The following ASTN2 variants were observed in gnomAD, a reference collection of about 807,000 sequenced individuals.
ASTN2 encodes astrotactin 2, also known as astrotactin-2.
A neutral mutation model predicts 139.8 loss-of-function variants in ASTN2; 54 were observed. The ratio of observed to expected loss-of-function variants is 0.39; its 90% CI spans 0.31 to 0.48. The LOEUF is 0.48. ASTN2 is among the 20% of genes least tolerant of loss of function. The pLI is 0.95. For missense variants in ASTN2, 1,565 were observed against 1,725.1 expected, an observed-to-expected ratio of 0.91 and a Z score of 1.64; for synonymous variants, 756 against 719.5, an observed-to-expected ratio of 1.05 and a Z score of -0.81.
chr9:117,325,552 C>G lies in ASTN2; in HGVS notation c.443-34039G>C, dbSNP rs137929275. Among the ~76,000 whole-genome samples the G allele has an allele frequency of 4.9e-3, 740 of 152,276 alleles. 6 individuals carry two copies. The highest frequency in any genetic ancestry group is 0.017 in the African/African-American group (700 of 41,554). The stretch of plus-strand genomic sequence containing the variant: ...TCCTTTTCCCCTCTTCCCTTTCCAG[C>G]AGACTCCTAAATGATGAAGAGTGTC... On this transcript the variant is annotated intron_variant, in intron 1 of 22. Transcript: ENST00000313400.
intron 4 of ASTN2, among the ~76,000 whole-genome samples, chr9:117,133,402 C>T (rs1829869598): frequency 6.6e-6 from 1 of 152,176 alleles, no homozygotes; most frequent in Non-Finnish European, 1.5e-5. Flanking sequence ...GATGTGAATC[C>T]ACATCTGTCT....
At chr9:117,364,208 T>C (rs1036822811) in intron 1 of ASTN2, among the ~76,000 whole-genome samples, 1 of 152,186 alleles carries the variant, frequency 6.6e-6, no homozygotes, top group Non-Finnish European at 1.5e-5. Flanking sequence ...CTTCCCCCTC[T>C]GATAACTTAG....
At chr9:117,348,955 AAAG>A (rs370960076) in intron 1 of ASTN2, among the ~76,000 whole-genome samples, 6 of 151,894 alleles carry the variant, frequency 4.0e-5, no homozygotes, top group South Asian at 2.1e-4. Context: ...TTAACTTGGA[AAAG>A]AAGAATTGCT....
intron 19 of ASTN2, among the ~76,000 whole-genome samples, chr9:116,526,533 A>G (rs749584751): frequency 1.3e-5 from 2 of 152,028 alleles, no homozygotes; most frequent in African/African-American, 2.4e-5. Context: ...CAGGTGGGAA[A>G]ACTGCTTGAA....
chr9:116,637,958 A>G (rs561144383), intron 17 of ASTN2, among the ~76,000 whole-genome samples: 18 of 152,288 alleles, frequency 1.2e-4, no homozygotes, highest in African/African-American at 4.1e-4. Context: ...ACATACATAC[A>G]TAAAGAAGGA....
intron 2 of ASTN2, among the ~76,000 whole-genome samples, chr9:117,221,939 AT>A (rs1706570069): frequency 6.6e-6 from 1 of 152,214 alleles, no homozygotes; most frequent in African/African-American, 2.4e-5. Flanking sequence ...TGGAGACAGA[AT>A]ATGCAGCCGA....
intron 2 of ASTN2, among the ~76,000 whole-genome samples, chr9:117,288,633 T>C (rs941199247): frequency 5.3e-5 from 8 of 152,186 alleles, no homozygotes; most frequent in Non-Finnish European, 1.0e-4. Flanking sequence ...ATCTCAGATT[T>C]CTCAGTTGTG....
At chr9:116,890,979 T>A (rs988031317) in intron 10 of ASTN2, among the ~76,000 whole-genome samples, 4 of 152,156 alleles carry the variant, frequency 2.6e-5, no homozygotes, top group African/African-American at 9.7e-5. Flanking sequence ...CTGTTAGGCT[T>A]CACATCAACA....
At chr9:116,626,892 C>A (rs1163560384) in intron 17 of ASTN2, among the ~76,000 whole-genome samples, 1 of 152,168 alleles carries the variant, frequency 6.6e-6, no homozygotes, top group Non-Finnish European at 1.5e-5. Flanking sequence ...CAGCCTGGAA[C>A]TCTGGATAGG....
intron 10 of ASTN2, among the ~76,000 whole-genome samples, chr9:116,916,898 C>T (rs1375842100): frequency 6.6e-6 from 1 of 152,128 alleles, no homozygotes; most frequent in Non-Finnish European, 1.5e-5. Context: ...TTTCTCACTT[C>T]TATCCCCATC....
chr9:116,538,440 A>T (rs544663935), intron 19 of ASTN2, among the ~76,000 whole-genome samples: 48 of 152,272 alleles, frequency 3.2e-4, no homozygotes, highest in African/African-American at 1.1e-3. Flanking sequence ...TGTGTGGCCC[A>T]TGACTTTGTA....
rs563678765 is a variant in ASTN2, at chr9:116,469,418, T to A, written c.3497+17941A>T. Among the ~76,000 whole-genome samples, 7 of 152,014 alleles carry A rather than the reference T, an allele frequency of 4.6e-5. No individual in the cohort carries two copies. The South Asian group carries it at 1.5e-3, about 32-fold the overall frequency. ...ATACAACTGGCTCCTCCCAGCAGAATAGAGAACTTTTTAGGGCAAACCCTG... is the reference window on the plus strand; with the variant it reads ...ATACAACTGGCTCCTCCCAGCAGAAAAGAGAACTTTTTAGGGCAAACCCTG... On this transcript the variant is annotated intron_variant, in intron 20 of 22. Coordinates refer to ENST00000313400, the MANE Select transcript of ASTN2 (RefSeq NM_001365068.1).
intron 19 of ASTN2, among the ~76,000 whole-genome samples, chr9:116,522,987 A>G (rs1850942066): frequency 6.6e-6 from 1 of 152,172 alleles, no homozygotes; most frequent in African/African-American, 2.4e-5. Context: ...TGCTTCAGAA[A>G]CACCTCATAT....
intron 19 of ASTN2, among the ~76,000 whole-genome samples, chr9:116,498,379 G>A (rs1169792489): frequency 6.6e-6 from 1 of 152,038 alleles, no homozygotes; most frequent in African/African-American, 2.4e-5. Flanking sequence ...GAGGCCAGGA[G>A]GTCAAGATCA....
At chr9:116,493,081 G>T (rs1185170274) in intron 19 of ASTN2, among the ~76,000 whole-genome samples, 2 of 152,132 alleles carry the variant, frequency 1.3e-5, no homozygotes, top group African/African-American at 4.8e-5. Context: ...GAACTGTGCT[G>T]TATTCTCTGA....
chr9:116,956,999 C>T (rs1284793450), intron 10 of ASTN2, among the ~76,000 whole-genome samples: 2 of 151,690 alleles, frequency 1.3e-5, no homozygotes, highest in East Asian at 3.9e-4. Context: ...TGGTAACAAT[C>T]CCCACAAGGA....
intron 13 of ASTN2, 142 bp from the exon 14 acceptor site, chr9:116,733,665 C>T: frequency 9.0e-7 from 1 of 1,113,284 alleles, no homozygotes; most frequent in South Asian, 1.5e-5. Flanking sequence ...TTCCTGAATC[C>T]CAGCTCTGAG....
At chr9:117,234,787 A>C (rs1388281826) in intron 2 of ASTN2, among the ~76,000 whole-genome samples, 1 of 152,218 alleles carries the variant, frequency 6.6e-6, no homozygotes. Flanking sequence ...GATTAGTGGC[A>C]GAGCCAGGAC....
intron 13 of ASTN2, among the ~76,000 whole-genome samples, chr9:116,805,275 G>T (rs958269357): frequency 6.6e-6 from 1 of 152,064 alleles, no homozygotes; most frequent in African/African-American, 2.4e-5. Flanking sequence ...CCTTATTTTT[G>T]AACTGCCTGA....
Sources: allele counts gnomAD v4.1 joint callset (sites outside exome capture counted in the v4.1 genomes callset), GRCh38; gene constraint gnomAD v4.1.1; transcripts MANE v1.5; gene names NCBI Gene and HGNC (gene_info 2026-07-23, HGNC 2026-07-21).